SPATA13: variants seen among roughly 807,000 people sequenced by gnomAD.
SPATA13 encodes spermatogenesis-associated protein 13.
In SPATA13, 50 loss-of-function variants were observed where a neutral mutation model predicts 104.0. The observed-to-expected ratio is 0.48, with a 90% CI of 0.38 to 0.61. The LOEUF (loss-of-function observed/expected upper bound fraction) is 0.61. SPATA13 is among the 20% of genes least tolerant of loss of function. The probability of loss-of-function intolerance (pLI) is 0.00; values close to 1 mark genes in which losing one functional copy is unlikely to be tolerated. For missense variants in SPATA13, 1,524 were observed against 1,690.6 expected (o/e 0.90, Z 1.73); for synonymous variants, 606 against 667.5 (o/e 0.91, Z 1.42).
chr13:24,159,295 T>C (rs138907553), upstream of SPATA13, among the ~76,000 whole-genome samples: 374 of 152,364 alleles, frequency 2.5e-3, 3 homozygotes, highest in Admixed American at 5.1e-3. Context: ...TTTTCAGCTT[T>C]AAAAATACAT....
intron 3 of SPATA13, among the ~76,000 whole-genome samples, chr13:24,109,598 G>A (rs1032335830): frequency 5.3e-5 from 8 of 152,148 alleles, no homozygotes; most frequent in South Asian, 4.1e-4. Context: ...CAGAGGTAGA[G>A]GTAGATAGAG....
At chr13:24,178,508 A>G (rs1424392178) in intron 1 of SPATA13, among the ~76,000 whole-genome samples, 1 of 152,176 alleles carries the variant, frequency 6.6e-6, no homozygotes, top group Non-Finnish European at 1.5e-5. Context: ...AAGTATAGTT[A>G]TTTACAGTAG....
intron 3 of SPATA13, among the ~76,000 whole-genome samples, chr13:24,049,462 C>T (rs1030045774): frequency 1.3e-5 from 2 of 152,128 alleles, no homozygotes; most frequent in African/African-American, 2.4e-5. Flanking sequence ...GAGTACGCTC[C>T]GTGTTGTTCA....
At chr13:24,174,858 C>A (rs149154484) in intron 1 of SPATA13, among the ~76,000 whole-genome samples, 2 of 152,194 alleles carry the variant, frequency 1.3e-5, no homozygotes, top group East Asian at 1.9e-4. Flanking sequence ...GGATTACAGG[C>A]GTGAGCCCCT....
intron 3 of SPATA13, among the ~76,000 whole-genome samples, chr13:24,144,566 A>G (rs61945520): frequency 0.11 from 17,100 of 152,134 alleles, 1,268 homozygotes; most frequent in Non-Finnish European, 0.16. Flanking sequence ...ACAAACTTTG[A>G]TCAGGCACCG....
intron 2 of SPATA13, among the ~76,000 whole-genome samples, chr13:24,014,230 C>A (rs1267532340): frequency 6.6e-6 from 1 of 152,168 alleles, no homozygotes; most frequent in Non-Finnish European, 1.5e-5. Flanking sequence ...GTGTGCATGT[C>A]TGTGTCCAGA....
chr13:24,173,172 G>C (rs1255459722), intron 1 of SPATA13, among the ~76,000 whole-genome samples: 2 of 152,118 alleles, frequency 1.3e-5, no homozygotes, highest in Admixed American at 6.5e-5. Flanking sequence ...CCGCCTCCCG[G>C]GTTCAAGCGA....
chr13:24,210,923 A>G (rs1414146519), intron 1 of SPATA13, among the ~76,000 whole-genome samples: 1 of 151,838 alleles, frequency 6.6e-6, no homozygotes, highest in Non-Finnish European at 1.5e-5. Flanking sequence ...TCTTTCATCA[A>G]TGTTTTATAG....
chr13:24,083,476 T>A (rs962542771), intron 3 of SPATA13, among the ~76,000 whole-genome samples: 2 of 152,026 alleles, frequency 1.3e-5, no homozygotes, highest in South Asian at 2.1e-4. Flanking sequence ...ACCAGGAACT[T>A]GAGTTGAAGT....
At chr13:24,109,305 T>G (rs1183565271) in intron 3 of SPATA13, among the ~76,000 whole-genome samples, 1 of 152,234 alleles carries the variant, frequency 6.6e-6, no homozygotes, top group Non-Finnish European at 1.5e-5. Context: ...TTTTTATGGC[T>G]ACATAGTATT....
chr13:24,276,163 A>C (rs1160106197), intron 4 of SPATA13, among the ~76,000 whole-genome samples: 7 of 152,256 alleles, frequency 4.6e-5, no homozygotes, highest in Non-Finnish European at 8.8e-5. Flanking sequence ...AGATAGTAGC[A>C]CATTACTCAC....
chr13:24,260,210 G>A (rs1228016189), intron 4 of SPATA13, among the ~76,000 whole-genome samples: 1 of 152,236 alleles, frequency 6.6e-6, no homozygotes, highest in African/African-American at 2.4e-5. Context: ...CCTCAAATGA[G>A]GCTTTAGGGA....
chr13:24,202,200 A>C (rs904905198), intron 1 of SPATA13, among the ~76,000 whole-genome samples: 4 of 152,166 alleles, frequency 2.6e-5, no homozygotes, highest in Non-Finnish European at 5.9e-5. Flanking sequence ...GTAAGGATAT[A>C]TTACCTTGTT....
At chr13:24,188,303 G>A (rs1455133245) in intron 1 of SPATA13, among the ~76,000 whole-genome samples, 1 of 151,372 alleles carries the variant, frequency 6.6e-6, no homozygotes, top group Non-Finnish European at 1.5e-5. Context: ...CTGCACTCCA[G>A]CCTGGGCAAC....
chr13:24,151,939 A>G (rs1311817651), intron 3 of SPATA13, among the ~76,000 whole-genome samples: 1 of 152,226 alleles, frequency 6.6e-6, no homozygotes, highest in Non-Finnish European at 1.5e-5. Context: ...AGGGCTGCAA[A>G]GGGAGAGAAA....
chr13:24,222,032 C>T (rs1003960509), intron 1 of SPATA13, among the ~76,000 whole-genome samples: 1 of 152,080 alleles, frequency 6.6e-6, no homozygotes. Flanking sequence ...AGGCTGGTCT[C>T]GAACGTCTGA....
chr13:24,025,545 C>A (rs1877172108), intron 3 of SPATA13, among the ~76,000 whole-genome samples: 1 of 152,164 alleles, frequency 6.6e-6, no homozygotes, highest in Admixed American at 6.5e-5. Context: ...AATCCAAACG[C>A]TTCTCCAAAG....
intron 1 of SPATA13, among the ~76,000 whole-genome samples, chr13:24,196,157 C>G (rs1435204372): frequency 6.6e-6 from 1 of 152,050 alleles, no homozygotes; most frequent in Non-Finnish European, 1.5e-5. Flanking sequence ...TTTCTAGAAG[C>G]TTCATATGTT....
At chr13:24,030,012 A>C (rs1319805093) in intron 3 of SPATA13, among the ~76,000 whole-genome samples, 1 of 151,866 alleles carries the variant, frequency 6.6e-6, no homozygotes, top group East Asian at 1.9e-4. Context: ...AATTGAGTGG[A>C]AAGTAGAGTT....
Sources: gnomAD v4.1 joint callset for allele counts (sites outside exome capture counted in the v4.1 genomes callset) on GRCh38, gnomAD v4.1.1 for gene constraint, MANE v1.5 for transcripts, NCBI Gene and HGNC (gene_info 2026-07-23, HGNC 2026-07-21) for gene names.